The following SOX6 variants were observed in gnomAD, a reference collection of about 807,000 sequenced individuals.
SOX6 encodes SRY-box transcription factor 6.
SOX6 carries 11 observed loss-of-function variants against 97.8 expected under a neutral mutation model. The observed-to-expected ratio is 0.11, with a 90% CI of 0.07 to 0.19. SOX6 has a LOEUF of 0.19. SOX6 is among the 10% of genes least tolerant of loss of function. The pLI, the probability that SOX6 is intolerant of heterozygous loss-of-function variation, is 1.00. For synonymous variants in SOX6, 360 were observed against 371.4 expected, an observed-to-expected ratio of 0.97 and a Z score of 0.35; for missense variants, 810 against 1,039.5, an observed-to-expected ratio of 0.78 and a Z score of 3.04.
intron 2 of SOX6, among the ~76,000 whole-genome samples, chr11:16,323,970 C>A (rs1269230175): frequency 2.6e-5 from 4 of 151,862 alleles, no homozygotes; most frequent in Non-Finnish European, 5.9e-5. Context: ...ATCACTTCAG[C>A]CAAGGAGTTT....
chr11:16,087,240 T>C (rs548993136), intron 9 of SOX6, among the ~76,000 whole-genome samples: 33 of 152,308 alleles, frequency 2.2e-4, no homozygotes, highest in African/African-American at 7.7e-4. Context: ...TGTATACATA[T>C]ATGTATGTAT....
In SOX6 at chr11:16,674,292, C is replaced by G. The variant is rs527640631; in HGVS notation, n.429+40538G>C. On this transcript the variant is annotated intron_variant and non_coding_transcript_variant, in intron 3 of 5. Transcript: ENST00000524520. ...TCAAATCAGTCAATAGAATGAAGGA[C>G]AAAAACCATATGATTATTTCAAGTA... 3.3e-5 allele frequency among the ~76,000 whole-genome samples: 5 copies of G among 150,542 alleles called. No homozygotes were observed. The East Asian group carries it at 7.8e-4, about 24-fold the overall frequency.
intron 4 of SOX6, among the ~76,000 whole-genome samples, chr11:16,493,812 G>T (rs1047695036): frequency 6.6e-6 from 1 of 152,092 alleles, no homozygotes; most frequent in African/African-American, 2.4e-5. Context: ...TTATTGTTAG[G>T]AGTACAAATT....
intron 3 of SOX6, among the ~76,000 whole-genome samples, chr11:16,305,186 T>C (rs1264427832): frequency 6.6e-6 from 1 of 152,142 alleles, no homozygotes; most frequent in Non-Finnish European, 1.5e-5. Flanking sequence ...AGGACTAGTA[T>C]TTAGAATAAT....
chr11:16,668,009 A>C (rs1303740671), intron 3 of SOX6, among the ~76,000 whole-genome samples: 1 of 152,172 alleles, frequency 6.6e-6, no homozygotes, highest in Non-Finnish European at 1.5e-5. Flanking sequence ...TGTTTATGCA[A>C]TCAGTGTCAA....
intron 11 of SOX6, among the ~76,000 whole-genome samples, chr11:16,048,671 T>C (rs1056266220): frequency 6.6e-6 from 1 of 152,194 alleles, no homozygotes; most frequent in Non-Finnish European, 1.5e-5. Context: ...TTTTAAGCTG[T>C]TAATGGCTAT....
chr11:16,603,382 G>C (rs1206952713), intron 4 of SOX6, among the ~76,000 whole-genome samples: 1 of 152,200 alleles, frequency 6.6e-6, no homozygotes, highest in Non-Finnish European at 1.5e-5. Context: ...ACCCCAGGCT[G>C]AACCAGAGTA....
intron 4 of SOX6, among the ~76,000 whole-genome samples, chr11:16,211,138 G>A (rs1852215460): frequency 6.6e-6 from 1 of 152,084 alleles, no homozygotes; most frequent in Non-Finnish European, 1.5e-5. Context: ...GAGATTAATA[G>A]AAGATGAAAT....
At chr11:16,335,734 T>G (rs1466631789) in intron 2 of SOX6, among the ~76,000 whole-genome samples, 3 of 152,102 alleles carry the variant, frequency 2.0e-5, no homozygotes, top group Admixed American at 1.3e-4. Flanking sequence ...TTCCCAGAAA[T>G]GGTACAAAGT....
chr11:16,110,629 T>A (rs537057819), intron 7 of SOX6, among the ~76,000 whole-genome samples: 1 of 152,240 alleles, frequency 6.6e-6, no homozygotes, highest in South Asian at 2.1e-4. Flanking sequence ...CTCACCAATC[T>A]CATAACATCT....
intron 3 of SOX6, among the ~76,000 whole-genome samples, chr11:16,669,114 C>A (rs1248608066): frequency 6.6e-6 from 1 of 152,104 alleles, no homozygotes; most frequent in Non-Finnish European, 1.5e-5. Context: ...ATGGATCATT[C>A]TCAAGGATAG....
intron 4 of SOX6, among the ~76,000 whole-genome samples, chr11:16,609,123 G>A (rs1269696083): frequency 6.6e-6 from 1 of 152,172 alleles, no homozygotes; most frequent in East Asian, 1.9e-4. Flanking sequence ...TGGAGGACCA[G>A]GACAGGGAAT....
intron 6 of SOX6, among the ~76,000 whole-genome samples, chr11:16,150,228 T>A (rs954693991): frequency 1.3e-5 from 2 of 152,160 alleles, no homozygotes; most frequent in African/African-American, 4.8e-5. Flanking sequence ...AAAGGTTACA[T>A]TTCTCTAAGT....
chr11:16,339,190 A>G, intron 2 of SOX6, among the ~76,000 whole-genome samples: 1 of 152,022 alleles, frequency 6.6e-6, no homozygotes, highest in East Asian at 1.9e-4. Context: ...CCATCCATTC[A>G]TTATACCACG....
At chr11:16,384,616 C>G (rs1201634950) in intron 1 of SOX6, among the ~76,000 whole-genome samples, 2 of 151,728 alleles carry the variant, frequency 1.3e-5, no homozygotes, top group Non-Finnish European at 2.9e-5. Flanking sequence ...TTAAACAACT[C>G]TAGGAAAACA....
intron 3 of SOX6, among the ~76,000 whole-genome samples, chr11:16,622,395 T>C (rs958178367): frequency 2.6e-5 from 4 of 152,168 alleles, no homozygotes; most frequent in African/African-American, 7.2e-5. Flanking sequence ...CTGTACCCAA[T>C]GTGTAGTCTT....
At chr11:16,204,385 A>G (rs1852017863) in intron 4 of SOX6, among the ~76,000 whole-genome samples, 2 of 152,050 alleles carry the variant, frequency 1.3e-5, no homozygotes, top group Non-Finnish European at 2.9e-5. Context: ...TATAAACTGA[A>G]GAACTGGAGA....
At chr11:16,268,060 T>A (rs892415481) in intron 3 of SOX6, among the ~76,000 whole-genome samples, 1 of 151,280 alleles carries the variant, frequency 6.6e-6, no homozygotes, top group Non-Finnish European at 1.5e-5. Context: ...AATGGAGAGA[T>A]GGCAATCAAT....
chr11:16,604,034 G>A (rs1848303169), intron 4 of SOX6, among the ~76,000 whole-genome samples: 1 of 152,214 alleles, frequency 6.6e-6, no homozygotes, highest in African/African-American at 2.4e-5. Flanking sequence ...TTGGGCAGCC[G>A]ACTGTCCAGT....
Sources: gnomAD v4.1 joint callset for allele counts (sites outside exome capture counted in the v4.1 genomes callset) on GRCh38, gnomAD v4.1.1 for gene constraint, MANE v1.5 for transcripts, NCBI Gene and HGNC (gene_info 2026-07-23, HGNC 2026-07-21) for gene names.